Variants in EPHA6 observed in about 807,000 individuals in gnomAD.
The protein encoded by EPHA6 is EPH receptor A6.
Under a neutral mutation model 112.0 loss-of-function variants are expected in EPHA6, and 50 were observed. The observed-to-expected ratio is 0.45, with a 90% CI of 0.36 to 0.56. The LOEUF (loss-of-function observed/expected upper bound fraction) is 0.56, where lower values mean the gene tolerates loss of function less well. Among genes scored for constraint, EPHA6 ranks in the 20% least tolerant of loss-of-function variants. EPHA6 has a pLI of 0.00. For synonymous variants in EPHA6, 529 were observed against 490.7 expected, an observed-to-expected ratio of 1.08 and a Z score of -1.03; for missense variants, 1,280 against 1,417.4, an observed-to-expected ratio of 0.90 and a Z score of 1.56.
chr3:97,553,920 ACTATTT>A (rs2093065715), intron 11 of EPHA6, among the ~76,000 whole-genome samples: 1 of 152,114 alleles, frequency 6.6e-6, no homozygotes, highest in South Asian at 2.1e-4. Flanking sequence ...GATACTTATA[ACTATTT>A]CTGTGTTTGT....
chr3:97,438,158 A>G (rs2089953742), intron 6 of EPHA6, among the ~76,000 whole-genome samples: 1 of 152,210 alleles, frequency 6.6e-6, no homozygotes, highest in African/African-American at 2.4e-5. Flanking sequence ...GTAAATATTT[A>G]TAGAGTGGTA....
intron 2 of EPHA6, among the ~76,000 whole-genome samples, chr3:96,953,069 A>G (rs1273847722): frequency 1.3e-5 from 2 of 152,178 alleles, no homozygotes; most frequent in Non-Finnish European, 2.9e-5. Flanking sequence ...AAAAAAGAAC[A>G]ATATTTGAAT....
At chr3:96,978,872 C>A (rs143810625) in intron 2 of EPHA6, among the ~76,000 whole-genome samples, 1 of 152,000 alleles carries the variant, frequency 6.6e-6, no homozygotes, top group Non-Finnish European at 1.5e-5. Flanking sequence ...TGAACATCTC[C>A]GCAACTGAAT....
At chr3:97,454,537 T>C (rs193091869) in intron 7 of EPHA6, among the ~76,000 whole-genome samples, 257 of 151,922 alleles carry the variant, frequency 1.7e-3, no homozygotes, top group African/African-American at 6.0e-3. Context: ...AGATAAGCAA[T>C]ATTGCTTGCT....
chr3:96,916,220 T>C (rs1427994259), intron 2 of EPHA6, among the ~76,000 whole-genome samples: 1 of 152,150 alleles, frequency 6.6e-6, no homozygotes. Flanking sequence ...ATTTACCTTT[T>C]GATTTAGGAT....
At position 97,707,648 on chromosome 3, in the gene EPHA6, A is replaced by G. The variant is rs567695026; in HGVS notation, c.2785-12613A>G. Among the ~76,000 whole-genome samples the G allele has an allele frequency of 1.1e-4, 16 of 152,284 alleles. No homozygotes were observed. In the East Asian group the frequency reaches 2.9e-3, roughly 28 times the overall value. ...TTTTTAATCAATTTACCCCAGCTTT[A>G]AAACCTACTTAAAATATAATATGAT... On this transcript the variant is annotated intron_variant, in intron 14 of 17. Coordinates refer to ENST00000389672, the MANE Select transcript of EPHA6 (RefSeq NM_001080448.3).
chr3:97,170,378 G>C (rs2076666109), intron 3 of EPHA6, among the ~76,000 whole-genome samples: 1 of 152,138 alleles, frequency 6.6e-6, no homozygotes, highest in Admixed American at 6.5e-5. Flanking sequence ...CTGCAGGAAT[G>C]AGCCATGATG....
chr3:97,441,508 A>G, intron 6 of EPHA6: 1 of 781,784 alleles, frequency 1.3e-6, no homozygotes, highest in East Asian at 1.3e-4. Context: ...CCATAACACA[A>G]TTAGAATCTG....
intron 3 of EPHA6, among the ~76,000 whole-genome samples, chr3:96,992,069 G>A (rs2107864272): frequency 6.6e-6 from 1 of 152,188 alleles, no homozygotes; most frequent in South Asian, 2.1e-4. Flanking sequence ...CATTCACTCT[G>A]TTTATAAGAA....
intron 5 of EPHA6, among the ~76,000 whole-genome samples, chr3:97,359,871 A>G (rs535157078): frequency 6.6e-6 from 1 of 152,156 alleles, no homozygotes; most frequent in Non-Finnish European, 1.5e-5. Flanking sequence ...CCTTTCTCTA[A>G]GCATGTGTGG....
chr3:96,829,924 C>A (rs529562731), intron 1 of EPHA6, among the ~76,000 whole-genome samples: 2 of 147,278 alleles, frequency 1.4e-5, no homozygotes, highest in South Asian at 2.2e-4. Context: ...TCTGTATACA[C>A]ATGCACGTGC....
chr3:97,355,690 C>A (rs2108910142), intron 5 of EPHA6, among the ~76,000 whole-genome samples: 1 of 152,214 alleles, frequency 6.6e-6, no homozygotes, highest in South Asian at 2.1e-4. Flanking sequence ...CCAATAACAA[C>A]ATTGAAAGTT....
chr3:97,642,160 G>T (rs1309402421), intron 14 of EPHA6, among the ~76,000 whole-genome samples: 2 of 117,798 alleles, frequency 1.7e-5, no homozygotes, highest in African/African-American at 3.2e-5. Context: ...TAACTGGGAG[G>T]CACCCCCCAG....
At chr3:97,153,612 A>C (rs2076219660) in intron 3 of EPHA6, among the ~76,000 whole-genome samples, 1 of 152,176 alleles carries the variant, frequency 6.6e-6, no homozygotes, top group African/African-American at 2.4e-5. Context: ...CAGGGACTAA[A>C]AAAACATAGT....
chr3:97,220,101 C>T (rs1268165600), intron 3 of EPHA6, among the ~76,000 whole-genome samples: 7 of 152,206 alleles, frequency 4.6e-5, no homozygotes, highest in Admixed American at 1.3e-4. Flanking sequence ...CAGTGCACAA[C>T]AAGCTCCTCA....
intron 13 of EPHA6, among the ~76,000 whole-genome samples, chr3:97,617,302 T>C (rs776870526): frequency 4.6e-5 from 7 of 152,022 alleles, no homozygotes; most frequent in Non-Finnish European, 8.8e-5. Context: ...GGAAAAACTA[T>C]TACCAGCCAC....
intron 14 of EPHA6, among the ~76,000 whole-genome samples, chr3:97,713,591 A>G (rs2034078302): frequency 6.6e-6 from 1 of 152,218 alleles, no homozygotes; most frequent in Non-Finnish European, 1.5e-5. Flanking sequence ...TTAATCTGGC[A>G]TCTGTGAATC....
chr3:97,159,408 G>A (rs770034265), intron 3 of EPHA6, among the ~76,000 whole-genome samples: 10 of 152,236 alleles, frequency 6.6e-5, no homozygotes, highest in South Asian at 4.2e-4. Flanking sequence ...AATTAAGACC[G>A]CTAGGCCAGA....
At chr3:97,444,661 G>T (rs940345219) in intron 6 of EPHA6, among the ~76,000 whole-genome samples, 1 of 152,072 alleles carries the variant, frequency 6.6e-6, no homozygotes, top group African/African-American at 2.4e-5. Context: ...CTCTAACCTA[G>T]AATTTTTTCC....
Sources: gnomAD v4.1 joint callset for allele counts (sites outside exome capture counted in the v4.1 genomes callset) on GRCh38, gnomAD v4.1.1 for gene constraint, MANE v1.5 for transcripts, NCBI Gene and HGNC (gene_info 2026-07-23, HGNC 2026-07-21) for gene names.